ABL2: variants seen among roughly 807,000 people sequenced by gnomAD.
The protein encoded by ABL2 is tyrosine-protein kinase ABL2.
ABL2 carries 49 observed loss-of-function variants against 107.7 expected under a neutral mutation model. The ratio of observed to expected loss-of-function variants is 0.45; its 90% CI spans 0.36 to 0.58. ABL2 has a LOEUF of 0.58. Among genes scored for constraint, ABL2 ranks in the 20% least tolerant of loss-of-function variants. ABL2 has a pLI of 0.00. For synonymous variants in ABL2, 549 were observed against 548.6 expected, an observed-to-expected ratio of 1.00 and a Z score of -0.01; for missense variants, 1,245 against 1,457.0, an observed-to-expected ratio of 0.85 and a Z score of 2.37.
chr1:179,145,791 A>G (rs1360340465), intron 1 of ABL2, among the ~76,000 whole-genome samples: 1 of 152,208 alleles, frequency 6.6e-6, no homozygotes, highest in Non-Finnish European at 1.5e-5. Context: ...TAAGGTAGAC[A>G]GGGGCTGGCC....
intron 5 of ABL2, 68 bp from the exon 6 acceptor site, chr1:179,120,342 T>G: frequency 1.1e-6 from 1 of 898,858 alleles, no homozygotes; most frequent in Non-Finnish European, 1.8e-6. Flanking sequence ...AATCATTTCA[T>G]TCATCTCACA....
chr1:179,123,636 T>C (rs899523440), intron 4 of ABL2, among the ~76,000 whole-genome samples: 5 of 152,230 alleles, frequency 3.3e-5, no homozygotes, highest in South Asian at 4.1e-4. Flanking sequence ...TTAATTTTTA[T>C]GTATTTTTGA....
intron 1 of ABL2, among the ~76,000 whole-genome samples, chr1:179,205,020 ACT>A (rs1022124187): frequency 2.1e-5 from 3 of 141,224 alleles, no homozygotes; most frequent in African/African-American, 7.9e-5. Context: ...AGTCATTACA[ACT>A]CTTTTTCTTT....
At chr1:179,136,769 A>T (rs1283007259) in intron 1 of ABL2, among the ~76,000 whole-genome samples, 2 of 151,464 alleles carry the variant, frequency 1.3e-5, no homozygotes, top group East Asian at 1.9e-4. Flanking sequence ...TACAAAAATT[A>T]GCCAGGCATG....
At chr1:179,116,919 G>A (rs1654700908) in intron 8 of ABL2, 1 of 228,860 alleles carries the variant, frequency 4.4e-6, no homozygotes, top group Non-Finnish European at 8.7e-6. Flanking sequence ...TGCAACCTCT[G>A]CCCTCCAGGC....
intron 1 of ABL2, among the ~76,000 whole-genome samples, chr1:179,210,811 AC>A (rs1008730518): frequency 2.6e-5 from 4 of 151,936 alleles, no homozygotes; most frequent in Non-Finnish European, 5.9e-5. Flanking sequence ...CCGAGATTGC[AC>A]CACTGCACTC....
At chr1:179,168,973 C>T (rs1434629539) in intron 1 of ABL2, among the ~76,000 whole-genome samples, 3 of 152,114 alleles carry the variant, frequency 2.0e-5, no homozygotes, top group African/African-American at 7.2e-5. Context: ...CCACAATATC[C>T]ACAGAGGATG....
chr1:179,158,157 T>C (rs1487135977), intron 1 of ABL2, among the ~76,000 whole-genome samples: 5 of 151,996 alleles, frequency 3.3e-5, no homozygotes, highest in East Asian at 1.9e-4. Context: ...AGGACTAGGA[T>C]TGGGGACAGG....
chr1:179,206,062 A>T (rs2102856094), intron 1 of ABL2, among the ~76,000 whole-genome samples: 1 of 152,320 alleles, frequency 6.6e-6, no homozygotes, highest in South Asian at 2.1e-4. Context: ...AACATGCCCA[A>T]GGTCACACAG....
chr1:179,208,186 A>C (rs576516245), intron 1 of ABL2, among the ~76,000 whole-genome samples: 1 of 152,278 alleles, frequency 6.6e-6, no homozygotes, highest in African/African-American at 2.4e-5. Flanking sequence ...CAGGGGGTAC[A>C]TGTGCAGATT....
chr1:179,143,075 G>T, intron 1 of ABL2: 1 of 1,610,358 alleles, frequency 6.2e-7, no homozygotes, highest in Non-Finnish European at 8.5e-7. Context: ...AAGTTAAACT[G>T]TTCTGTGTAA....
intron 8 of ABL2, 183 bp downstream of exon 8, chr1:179,117,149 T>C (rs1323919062): frequency 1.2e-5 from 8 of 669,598 alleles, no homozygotes; most frequent in Middle Eastern, 7.6e-4. Context: ...CTTCTGTTTA[T>C]GCAAAGTTCT....
intron 1 of ABL2, among the ~76,000 whole-genome samples, chr1:179,145,027 T>C (rs1657889679): frequency 6.6e-6 from 1 of 152,162 alleles, no homozygotes; most frequent in African/African-American, 2.4e-5. Flanking sequence ...GATAAATGGA[T>C]AAACAAAAGG....
chr1:179,156,285 C>T (rs1185326873), intron 1 of ABL2, among the ~76,000 whole-genome samples: 2 of 152,296 alleles, frequency 1.3e-5, no homozygotes, highest in East Asian at 3.9e-4. Context: ...AGAAACAAAG[C>T]ACCTATTCAC....
chr1:179,174,239 G>T (rs1427204956), intron 1 of ABL2, among the ~76,000 whole-genome samples: 11 of 151,560 alleles, frequency 7.3e-5, no homozygotes. Context: ...AGTGAGCCGA[G>T]ATCGTGCCAC....
chr1:179,170,463 C>G (rs185799985), intron 1 of ABL2, among the ~76,000 whole-genome samples: 1 of 152,148 alleles, frequency 6.6e-6, no homozygotes, highest in Non-Finnish European at 1.5e-5. Flanking sequence ...GTCACCCAGG[C>G]TGGAGTGCAG....
chr1:179,211,279 A>C (rs1662257496), intron 1 of ABL2, among the ~76,000 whole-genome samples: 1 of 152,156 alleles, frequency 6.6e-6, no homozygotes, highest in Admixed American at 6.5e-5. Context: ...GCACTTTGGG[A>C]GGCTGAGGCG....
intron 1 of ABL2, among the ~76,000 whole-genome samples, chr1:179,176,184 C>T (rs751730429): frequency 6.6e-6 from 1 of 151,686 alleles, no homozygotes; most frequent in African/African-American, 2.4e-5. Flanking sequence ...ACAGTCTCTA[C>T]AGTCACAAGT....
intron 1 of ABL2, among the ~76,000 whole-genome samples, chr1:179,180,086 C>T (rs1248380948): frequency 3.3e-5 from 5 of 151,414 alleles, no homozygotes; most frequent in Non-Finnish European, 5.9e-5. Flanking sequence ...GGGTACTGCA[C>T]TCCAGCCTGG....
Sources: gnomAD v4.1 joint callset for allele counts (sites outside exome capture counted in the v4.1 genomes callset) on GRCh38, gnomAD v4.1.1 for gene constraint, MANE v1.5 for transcripts, NCBI Gene and HGNC (gene_info 2026-07-23, HGNC 2026-07-21) for gene names.